The following PTBP1 variants were observed in gnomAD, a reference collection of about 807,000 sequenced individuals.
PTBP1 encodes the protein polypyrimidine tract binding protein 1.
A neutral mutation model predicts 59.8 loss-of-function variants in PTBP1; 8 were observed. The ratio of observed to expected loss-of-function variants is 0.13; its 90% confidence interval spans 0.08 to 0.24. The LOEUF is 0.24. Among genes scored for constraint, PTBP1 ranks in the 10% least tolerant of loss-of-function variants. The pLI, the probability that PTBP1 is intolerant of heterozygous loss-of-function variation, is 1.00. For synonymous variants in PTBP1, 490 were observed against 320.7 expected (o/e 1.53, Z -5.64); for missense variants, 686 against 767.0 (o/e 0.89, Z 1.25).
intron 10 of PTBP1, chr19:807,033 T>G (rs1460097626): frequency 6.5e-6 from 1 of 153,246 alleles, no homozygotes; most frequent in Non-Finnish European, 1.5e-5. Flanking sequence ...TATGTAACTC[T>G]TGATGGATGG....
rs745977226 is a variant in PTBP1, at chr19:804,617, G to C, written c.521G>C (p.Gly174Ala). 1 of 1,612,644 alleles carries C rather than the reference G, an allele frequency of 6.2e-7. No individual in the cohort carries two copies. The highest frequency in any genetic ancestry group is 8.5e-7 in the Non-Finnish European group (1 of 1,179,786). The change falls in exon 6 of 15, where the codon GGG (glycine) becomes GCG (alanine). Residue 174 changes from glycine to alanine, a missense_variant. By Grantham distance (60) the Gly-to-Ala change is moderately conservative. Transcript: ENST00000356948. Reference protein sequence around the residue: ...LAASAAAVDAGMAMAGQSPVL... With the variant: ...LAASAAAVDAAMAMAGQSPVL... ...GCCTCGGCGGCGGCCGTGGACGCAG[G>C]GATGGCGATGGCCGGGCAGAGCCCC... is the stretch of plus-strand genomic sequence containing the variant.
chr19:810,650 T>A (rs1568277305), intron 14 of PTBP1, 30 bp downstream of exon 14: 8 of 1,611,842 alleles, frequency 5.0e-6, no homozygotes, highest in Non-Finnish European at 5.9e-6. Flanking sequence ...TCCCTGGCTC[T>A]CCCCAGGCTG....
In PTBP1 at chr19:798,066, G is replaced by T. The variant is rs1036914461; in HGVS notation, c.8+561G>T. On this transcript the variant is annotated intron_variant, in intron 1 of 14. Coordinates refer to ENST00000356948, the MANE Select transcript of PTBP1 (RefSeq NM_002819.5). ...GGAAAGCTGGCGCCGGGGCCTCGCC[G>T]CGGGCCCGAGTCTCTGCGCTCCCCG... 2.4e-4 allele frequency among the ~76,000 whole-genome samples: 36 copies of T among 151,714 alleles called. No homozygotes were observed. In the East Asian group the frequency reaches 5.3e-3, roughly 22 times the overall value.
Position 804,110 on chromosome 19 carries a change from C to T in PTBP1, c.190C>T (p.Arg64Trp), listed in dbSNP as rs11549885. 3.1e-6 allele frequency: 5 copies of T among 1,613,860 alleles called. No individual in the cohort carries two copies. Among genetic ancestry groups the T allele is most frequent in the Non-Finnish European group, 4.2e-6 (5 of 1,179,950 alleles). Residue 64 changes from arginine (R) to tryptophan (W), a missense_variant, in exon 4 of 15, where the codon CGG becomes TGG. Transcript: ENST00000356948. ...CGTCCCCTCTAGAGTGATCCACATC[C>T]GGAAGCTCCCCATCGACGTCACGGA... ...AGVPSRVIHI[R>W]KLPIDVTEGE...
rs1049369648 is a variant in PTBP1, at chr19:809,067, G to A, written c.1463+305G>A. 4.6e-5 allele frequency among the ~76,000 whole-genome samples: 7 copies of A among 152,158 alleles called. No homozygotes were observed. In the East Asian group the frequency reaches 1.3e-3, roughly 29 times the overall value. On this transcript the variant is annotated intron_variant, in intron 13 of 14. Transcript: ENST00000356948. The stretch of plus-strand genomic sequence containing the variant: ...TTTGTCACCCAGGCTGGAGTACAGT[G>A]GAACGATCTCGGTTCACTGCAACCT...
chr19:799,975 G>T (rs1186275010), intron 2 of PTBP1, among the ~76,000 whole-genome samples: 1 of 152,066 alleles, frequency 6.6e-6, no homozygotes, highest in East Asian at 1.9e-4. Flanking sequence ...TCACCAGGCT[G>T]GAGTGCAGTG....
chr19:804,882 C>T lies in PTBP1; in HGVS notation c.660C>T (p.Asn220=). ...AGATCATCACCTTCACCAAGAACAA[C>T]CAGTTCCAGGCCCTGCTGCAGTATG... The part of the protein sequence containing the change: ...VLKIITFTKN[N]QFQALLQYAD... Residue 220 remains asparagine, a synonymous_variant, in exon 7 of 15, where the codon AAC becomes AAT. Transcript: ENST00000356948. 1 of 1,614,042 alleles carries T rather than the reference C, an allele frequency of 6.2e-7. No individual in the cohort carries two copies.
In PTBP1 at chr19:808,465, G is replaced by T. The variant is rs1424732910; in HGVS notation, c.1246+13G>T. On this transcript the variant is annotated intron_variant, in intron 12 of 14. Transcript: ENST00000356948. This position sits in a 1 kb window ranked among gnomAD's most constrained non-coding sequence, Gnocchi z 4.7. Reference sequence around the variant, plus strand: ...CAGGCCCAGCTGGGTAAGAGGCCGGGGCGGCCCCGGGGTGGAGGGGGCAGG... The same window carrying T: ...CAGGCCCAGCTGGGTAAGAGGCCGGTGCGGCCCCGGGGTGGAGGGGGCAGG... 4 of 1,584,232 alleles carry T rather than the reference G, an allele frequency of 2.5e-6. No individual in the cohort carries two copies. Among genetic ancestry groups the T allele is most frequent in the African/African-American group, 1.3e-5 (1 of 74,332 alleles).
chr19:800,613 G>T (rs2034289195), intron 2 of PTBP1, among the ~76,000 whole-genome samples: 1 of 152,234 alleles, frequency 6.6e-6, no homozygotes, highest in Admixed American at 6.5e-5. Flanking sequence ...CAGCAGTGGT[G>T]CCTGGGCCAG....
chr19:804,614 C>A lies in PTBP1; in HGVS notation c.518C>A (p.Ala173Glu). ...GCTGCCTCGGCGGCGGCCGTGGACG[C>A]AGGGATGGCGATGGCCGGGCAGAGC... The part of the protein sequence containing the change: ...ALAASAAAVD[A>E]GMAMAGQSPV... Residue 173 changes from alanine (A) to glutamate (E), a missense_variant, in exon 6 of 15, where the codon GCA becomes GAA. Transcript: ENST00000356948. 6.2e-7 allele frequency: 1 copy of A among 1,612,618 alleles called. No individual in the cohort carries two copies. Among genetic ancestry groups the A allele is most frequent in the South Asian group, 1.1e-5 (1 of 91,070 alleles).
chr19:807,916 C>A lies in PTBP1; in HGVS notation c.1153+14C>A, dbSNP rs1054165962. 1.2e-6 allele frequency: 2 copies of A among 1,606,856 alleles called. No individual in the cohort carries two copies. Among genetic ancestry groups the A allele is most frequent in the Non-Finnish European group, 1.7e-6 (2 of 1,173,556 alleles). ...TTATTCTTTTCGGTATGTTATCGTT[C>A]ACACTTTTATTACCTTGTTTTCATT... On this transcript the variant is annotated intron_variant, in intron 11 of 14. Transcript: ENST00000356948.
At chr19:806,326 A>C (rs560225659) in intron 9 of PTBP1, 82 bp from the exon 10 acceptor site, 2 of 1,422,258 alleles carry the variant, frequency 1.4e-6, no homozygotes, top group Non-Finnish European at 9.3e-7. Flanking sequence ...TCCTCGGTGC[A>C]TGAGGACGGG....
At chr19:805,390 GCCGGGGCCGCCCGC>G in intron 8 of PTBP1, 88 bp from the exon 9 acceptor site, 1 of 1,298,646 alleles carries the variant, frequency 7.7e-7, no homozygotes, top group Non-Finnish European at 1.1e-6. Context: ...CGAAGGCTCT[GCCGGGGCCGCCCGC>G]CGGCCGGGTT....
chr19:804,958 A>C lies in PTBP1; in HGVS notation c.717+19A>C. The stretch of plus-strand genomic sequence containing the variant: ...CAAGCTGGTGAGTGGGGCTCCCGGG[A>C]CGGCGCCCGCCCTGGCCCTGGCCCG... On this transcript the variant is annotated intron_variant, in intron 7 of 14. Coordinates refer to ENST00000356948, the MANE Select transcript of PTBP1 (RefSeq NM_002819.5). 2 of 1,612,316 alleles carry C rather than the reference A, an allele frequency of 1.2e-6. No individual in the cohort carries two copies. Among genetic ancestry groups the C allele is most frequent in the Non-Finnish European group, 1.7e-6 (2 of 1,178,978 alleles).
At chr19:806,383 C>A (rs984911036) in intron 9 of PTBP1, 25 bp from the exon 10 acceptor site, 14 of 1,586,106 alleles carry the variant, frequency 8.8e-6, no homozygotes, top group Non-Finnish European at 1.2e-5. Context: ...GGCGCCGCCG[C>A]TCATCTCACC....
rs1159801048 is a variant in PTBP1, at chr19:806,310, C to G, written c.971-98C>G. 11 of 1,354,244 alleles carry G rather than the reference C, an allele frequency of 8.1e-6. No homozygotes were observed. In the South Asian group the frequency reaches 9.5e-5, roughly 12 times the overall value. 83.9% of individuals were successfully genotyped at this position (1,354,244 alleles called of 1,614,324 possible). On this transcript the variant is annotated intron_variant, in intron 9 of 14. Transcript: ENST00000356948. ...AGAGCCAGGGCCGCCTCCCGCGCGG[C>G]TCGGCTCCTCGGTGCATGAGGACGG...
chr19:805,127 C>T lies in PTBP1; in HGVS notation c.832C>T (p.Pro278Ser), dbSNP rs780403518. 4 of 1,613,764 alleles carry T rather than the reference C, an allele frequency of 2.5e-6. No homozygotes were observed. In the African/African-American group the frequency reaches 4.0e-5, roughly 16 times the overall value. ...TGACAAGAGCCGTGACTACACACGC[C>T]CAGACCTGCCTTCCGGGGACAGCCA... is the stretch of plus-strand genomic sequence containing the variant. The part of the protein sequence containing the change: ...NNDKSRDYTR[P>S]DLPSGDSQPS... The change falls in exon 8 of 15, where the codon CCA becomes TCA. Residue 278 changes from proline to serine, a missense_variant. Pro to Ser is a moderately conservative substitution (Grantham distance 74). Transcript: ENST00000356948.
chr19:804,815 C>T lies in PTBP1; in HGVS notation c.607-14C>T. On this transcript the variant is annotated splice_polypyrimidine_tract_variant and intron_variant, in intron 6 of 14. Transcript: ENST00000356948. Reference sequence around the variant, plus strand: ...CACCGGGCAGGAGCTCATGCTGTGGCCCGGGACCTGCAGATTTTCTCCAAG... The same window carrying T: ...CACCGGGCAGGAGCTCATGCTGTGGTCCGGGACCTGCAGATTTTCTCCAAG... 1 of 1,611,448 alleles carries T rather than the reference C, an allele frequency of 6.2e-7. No individual in the cohort carries two copies. Among genetic ancestry groups the T allele is most frequent in the Non-Finnish European group, 8.5e-7 (1 of 1,177,612 alleles).
intron 9 of PTBP1, 152 bp from the exon 10 acceptor site, chr19:806,237 GTGGCTGTGCGGGGGTCGGA>G (rs1289819440): frequency 1.6e-6 from 1 of 637,920 alleles, no homozygotes; most frequent in Non-Finnish European, 2.5e-6. Flanking sequence ...GAGCCGGCGG[GTGGCTGTGCGGGGGTCGGA>G]CGACCCCACA....
Sources: allele counts gnomAD v4.1 joint callset (sites outside exome capture counted in the v4.1 genomes callset), GRCh38; gene constraint gnomAD v4.1.1; non-coding constraint Gnocchi (gnomAD v3.1); transcripts MANE v1.5; gene names NCBI Gene and HGNC (gene_info 2026-07-23, HGNC 2026-07-21).